ZNRF3: variants seen among roughly 807,000 people sequenced by gnomAD.
ZNRF3 encodes zinc and ring finger 3.
In ZNRF3, 23 loss-of-function variants were observed where a neutral mutation model predicts 72.5. The observed-to-expected ratio is 0.32, with a 90% CI of 0.23 to 0.45. ZNRF3 has a LOEUF of 0.45. Ranked by LOEUF, ZNRF3 falls within the 20% of genes least tolerant of loss-of-function variation. The probability of loss-of-function intolerance (pLI) is 1.00; values close to 1 mark genes in which losing one functional copy is unlikely to be tolerated. For missense variants in ZNRF3, 1,169 were observed against 1,272.1 expected (o/e 0.92, Z 1.23); for synonymous variants, 610 against 545.3 (o/e 1.12, Z -1.65).
At chr22:29,008,047 C>T (rs986332529) in intron 2 of ZNRF3, among the ~76,000 whole-genome samples, 9 of 152,092 alleles carry the variant, frequency 5.9e-5, no homozygotes, top group African/African-American at 9.7e-5. Flanking sequence ...TGAGCCACGG[C>T]GCCCGGCTCA....
intron 1 of ZNRF3, among the ~76,000 whole-genome samples, chr22:28,913,483 T>C (rs895652571): frequency 1.3e-5 from 2 of 152,144 alleles, no homozygotes; most frequent in Non-Finnish European, 2.9e-5. Context: ...TGTTAGATTA[T>C]GAGGATGGAA....
At chr22:28,916,252 C>T (rs560396381) in intron 1 of ZNRF3, among the ~76,000 whole-genome samples, 3 of 151,984 alleles carry the variant, frequency 2.0e-5, no homozygotes, top group East Asian at 1.9e-4. Flanking sequence ...TTTGTAGAGG[C>T]GAGGTCTCAC....
intron 1 of ZNRF3, among the ~76,000 whole-genome samples, chr22:28,971,855 C>T (rs1193370920): frequency 6.6e-6 from 1 of 152,074 alleles, no homozygotes; most frequent in Non-Finnish European, 1.5e-5. Context: ...TACAGGTTTA[C>T]ACCACCACAC....
At chr22:29,027,852 C>T (rs1026270068) in intron 2 of ZNRF3, among the ~76,000 whole-genome samples, 2 of 152,122 alleles carry the variant, frequency 1.3e-5, no homozygotes, top group African/African-American at 4.8e-5. Context: ...CCCTTTTCTT[C>T]CTGCTCTTCC....
intron 2 of ZNRF3, among the ~76,000 whole-genome samples, chr22:28,989,978 C>G (rs1374882928): frequency 2.6e-5 from 4 of 152,250 alleles, no homozygotes; most frequent in Admixed American, 2.6e-4. Flanking sequence ...GAAAAGAACT[C>G]TATAAACTCA....
intron 1 of ZNRF3, among the ~76,000 whole-genome samples, chr22:28,918,549 T>C (rs1235922691): frequency 9.6e-6 from 1 of 104,456 alleles, no homozygotes; most frequent in Non-Finnish European, 2.1e-5. Flanking sequence ...TGTGTGTGTG[T>C]GTGTGTGTGT....
In ZNRF3 at chr22:29,043,438, TC is replaced by T. The variant is rs2037006202; in HGVS notation, c.633+10del. The T allele has an allele frequency of 3.1e-6, 5 of 1,612,928 alleles. No individual in the cohort carries two copies. In the African/African-American group the frequency reaches 5.3e-5, roughly 17 times the overall value. ...CAGCACCGCCCTCCTCGAGTGAGCC[TC>T]CGCACCATTTGGCACAGGCTCGGGG... On this transcript the variant is annotated intron_variant, in intron 4 of 8. Coordinates refer to ENST00000544604, the MANE Select transcript of ZNRF3 (RefSeq NM_001206998.2).
chr22:29,054,069 C>T lies in ZNRF3; in HGVS notation c.*447C>T, dbSNP rs1365474527. ...CATCATGTGTAGATACTGTTGTCTC[C>T]CTGAAGGGAGCTCAGGCCTTTGAAA... On this transcript the variant is annotated 3_prime_UTR_variant, in exon 9 of 9. Transcript: ENST00000544604. 2 of 152,834 alleles carry T rather than the reference C, an allele frequency of 1.3e-5. No individual in the cohort carries two copies. Among genetic ancestry groups the T allele is most frequent in the Non-Finnish European group, 2.9e-5 (2 of 68,626 alleles). The allele number at this position is 152,834 out of a possible 1,614,324, so 9.5% of individuals were successfully genotyped here.
chr22:29,017,414 G>A (rs558593283), intron 2 of ZNRF3, among the ~76,000 whole-genome samples: 12 of 152,290 alleles, frequency 7.9e-5, no homozygotes, highest in African/African-American at 2.6e-4. Flanking sequence ...GGCCCCTGTG[G>A]ACAATTGAGT....
rs1272510880 is a variant in ZNRF3, at chr22:28,937,207, ATATATATATTTTTTTTT to A, written c.301-49867_301-49851del. Among the ~76,000 whole-genome samples the A allele has an allele frequency of 9.8e-3, 28 of 2,852 alleles. No individual in the cohort carries two copies. In the South Asian group the frequency reaches 0.12, roughly 12 times the overall value. The allele number at this position is 2,852 out of a possible 152,430, so 1.9% of individuals were successfully genotyped here. On this transcript the variant is annotated intron_variant, in intron 1 of 8. Transcript: ENST00000544604. ...TATATATATATATATATATATATAT[ATATATATATTTTTTTTT>A]TTTTTTTTTTTTTTAACAAAAGGAA... is the stretch of plus-strand genomic sequence containing the variant.
At chr22:28,895,755 G>A (rs1375805421) in intron 1 of ZNRF3, among the ~76,000 whole-genome samples, 1 of 152,144 alleles carries the variant, frequency 6.6e-6, no homozygotes, top group African/African-American at 2.4e-5. Context: ...TTAAGAGCTG[G>A]GATTAGAACT....
At chr22:28,973,998 C>T (rs2123815716) in intron 1 of ZNRF3, among the ~76,000 whole-genome samples, 1 of 142,336 alleles carries the variant, frequency 7.0e-6, no homozygotes. Context: ...CGCTTTGTCA[C>T]CCAGGCTGAA....
intron 2 of ZNRF3, among the ~76,000 whole-genome samples, chr22:28,990,326 G>A (rs1254606036): frequency 6.6e-6 from 1 of 152,234 alleles, no homozygotes; most frequent in Non-Finnish European, 1.5e-5. Context: ...TCTGTTACCT[G>A]TGGCAGTTTA....
intron 1 of ZNRF3, among the ~76,000 whole-genome samples, chr22:28,907,524 G>A (rs2034233526): frequency 6.6e-6 from 1 of 152,184 alleles, no homozygotes; most frequent in African/African-American, 2.4e-5. Flanking sequence ...ACAGTGCCCA[G>A]ATGGTGTCCG....
At chr22:28,973,102 C>T (rs2035606838) in intron 1 of ZNRF3, among the ~76,000 whole-genome samples, 2 of 152,148 alleles carry the variant, frequency 1.3e-5, no homozygotes, top group East Asian at 1.9e-4. Context: ...CCTCAGCCTC[C>T]CAAGTAGCCA....
intron 1 of ZNRF3, among the ~76,000 whole-genome samples, chr22:28,932,594 A>C (rs2034727010): frequency 6.6e-6 from 1 of 152,168 alleles, no homozygotes; most frequent in Admixed American, 6.5e-5. Context: ...TCTAAGATGC[A>C]TTGCCAGTCT....
chr22:28,945,913 G>T (rs1408166074), intron 1 of ZNRF3, among the ~76,000 whole-genome samples: 1 of 152,160 alleles, frequency 6.6e-6, no homozygotes, highest in African/African-American at 2.4e-5. Flanking sequence ...TTGGTAATGG[G>T]ATTTTTAGTG....
At chr22:29,002,351 T>C (rs757680204) in intron 2 of ZNRF3, among the ~76,000 whole-genome samples, 1 of 152,196 alleles carries the variant, frequency 6.6e-6, no homozygotes, top group South Asian at 2.1e-4. Context: ...TGATTTCTTA[T>C]GGGCTTAAAG....
intron 1 of ZNRF3, among the ~76,000 whole-genome samples, chr22:28,948,135 G>C (rs780233226): frequency 6.9e-6 from 1 of 145,538 alleles, no homozygotes; most frequent in Non-Finnish European, 1.5e-5. Flanking sequence ...GAGCCACTGC[G>C]CCTGGCTACA....
Sources: allele counts gnomAD v4.1 joint callset (sites outside exome capture counted in the v4.1 genomes callset), GRCh38; gene constraint gnomAD v4.1.1; transcripts MANE v1.5; gene names NCBI Gene and HGNC (gene_info 2026-07-23, HGNC 2026-07-21).